PIBF1: variants seen among roughly 807,000 people sequenced by gnomAD.
The protein encoded by PIBF1 is progesterone immunomodulatory binding factor 1, also known as progesterone-induced-blocking factor 1.
A neutral mutation model predicts 112.5 loss-of-function variants in PIBF1; 90 were observed. The ratio of observed to expected loss-of-function variants is 0.80; its 90% CI spans 0.67 to 0.95. The LOEUF is 0.95. Among genes scored for constraint, PIBF1 ranks in the 40% least tolerant of loss-of-function variants. PIBF1 has a pLI of 0.00. For synonymous variants in PIBF1, 301 were observed against 288.6 expected, an observed-to-expected ratio of 1.04 and a Z score of -0.44; for missense variants, 915 against 852.3, an observed-to-expected ratio of 1.07 and a Z score of -0.92.
intron 13 of PIBF1, among the ~76,000 whole-genome samples, chr13:72,927,241 C>T (rs1457483941): frequency 1.3e-5 from 2 of 151,990 alleles, no homozygotes; most frequent in Non-Finnish European, 2.9e-5. Flanking sequence ...CGTGGTGGCT[C>T]ACGCCTGTAA....
At chr13:72,888,075 G>A (rs1183315272) in intron 10 of PIBF1, among the ~76,000 whole-genome samples, 1 of 151,888 alleles carries the variant, frequency 6.6e-6, no homozygotes, top group African/African-American at 2.4e-5. Flanking sequence ...TTTTGTTTTT[G>A]GAAATTCAAC....
intron 10 of PIBF1, among the ~76,000 whole-genome samples, chr13:72,857,821 C>T (rs2038496926): frequency 6.6e-6 from 1 of 152,112 alleles, no homozygotes; most frequent in Non-Finnish European, 1.5e-5. Flanking sequence ...GCCTGGGCTA[C>T]AAGAGTGAAA....
intron 14 of PIBF1, among the ~76,000 whole-genome samples, chr13:72,959,233 C>G (rs1439975660): frequency 6.6e-6 from 1 of 152,220 alleles, no homozygotes; most frequent in Non-Finnish European, 1.5e-5. Flanking sequence ...TGACCTCAAG[C>G]AATCCACCCA....
chr13:72,991,581 T>C (rs916710517), intron 16 of PIBF1, among the ~76,000 whole-genome samples: 2 of 152,102 alleles, frequency 1.3e-5, no homozygotes, highest in Non-Finnish European at 2.9e-5. Flanking sequence ...GACTACGTTA[T>C]AGAATAGTAT....
intron 2 of PIBF1, among the ~76,000 whole-genome samples, chr13:72,787,272 T>G (rs2034651228): frequency 6.6e-6 from 1 of 152,220 alleles, no homozygotes. Context: ...GTATGTGTTA[T>G]TATATGTTTA....
chr13:72,958,561 C>T (rs973132313), intron 14 of PIBF1, among the ~76,000 whole-genome samples: 3 of 152,110 alleles, frequency 2.0e-5, no homozygotes, highest in Non-Finnish European at 4.4e-5. Flanking sequence ...AGCAGAAACA[C>T]TGGTAAATAG....
At chr13:72,826,199 GATAGTCATCTTTACTT>G (rs1480853194) in intron 6 of PIBF1, among the ~76,000 whole-genome samples, 1 of 152,044 alleles carries the variant, frequency 6.6e-6, no homozygotes, top group Non-Finnish European at 1.5e-5. Context: ...TAGTAATACT[GATAGTCATCTTTACTT>G]ATTGGGTTTG....
intron 11 of PIBF1, among the ~76,000 whole-genome samples, chr13:72,901,601 C>T (rs2040486719): frequency 6.6e-6 from 1 of 151,994 alleles, no homozygotes; most frequent in South Asian, 2.1e-4. Flanking sequence ...AGGAGAATCA[C>T]TGGAACCCGG....
Position 72,787,914 on chromosome 13 carries a change from C to T in PIBF1, c.252+4193C>T, listed in dbSNP as rs2034688958. 2.6e-5 allele frequency among the ~76,000 whole-genome samples: 4 copies of T among 152,146 alleles called. No individual in the cohort carries two copies. In the South Asian group the frequency reaches 8.3e-4, roughly 32 times the overall value. On this transcript the variant is annotated intron_variant, in intron 2 of 17. Transcript: ENST00000326291. Reference sequence around the variant, plus strand: ...GCCTCAAGCAATCCACCCATTTCAGCCTCCCAAAGTGCAGGTGTGAAGCCA... The same window carrying T: ...GCCTCAAGCAATCCACCCATTTCAGTCTCCCAAAGTGCAGGTGTGAAGCCA...
At chr13:72,828,991 G>T (rs1323434284) in intron 8 of PIBF1, among the ~76,000 whole-genome samples, 1 of 152,188 alleles carries the variant, frequency 6.6e-6, no homozygotes, top group Non-Finnish European at 1.5e-5. Context: ...GCGTGAGATG[G>T]TATCTCATTG....
chr13:73,001,636 T>G (rs2043873956), intron 17 of PIBF1, among the ~76,000 whole-genome samples: 1 of 146,594 alleles, frequency 6.8e-6, no homozygotes, highest in Non-Finnish European at 1.5e-5. Flanking sequence ...TTTTTTTTTT[T>G]TTGGAGATGG....
intron 9 of PIBF1, 138 bp downstream of exon 9, chr13:72,835,506 G>A (rs1667069631): frequency 1.7e-6 from 1 of 587,296 alleles, no homozygotes. Flanking sequence ...TGAAATCTAA[G>A]TATAATGAGA....
At chr13:73,015,376 G>A (rs2044354360) in intron 17 of PIBF1, among the ~76,000 whole-genome samples, 1 of 152,132 alleles carries the variant, frequency 6.6e-6, no homozygotes, top group South Asian at 2.1e-4. Context: ...TTTCTATTCT[G>A]TACAGCCTGT....
chr13:72,879,443 A>G (rs4885049), intron 10 of PIBF1, among the ~76,000 whole-genome samples: 42,001 of 152,044 alleles, frequency 0.28, 6,883 homozygotes, highest in East Asian at 0.48. Flanking sequence ...GAGAGGAGGG[A>G]ATTGAAATAA....
chr13:72,939,368 A>T (rs767690413), intron 14 of PIBF1, among the ~76,000 whole-genome samples: 6 of 152,160 alleles, frequency 3.9e-5, no homozygotes, highest in Non-Finnish European at 7.4e-5. Flanking sequence ...TGTACCCATT[A>T]AGCACTTAAT....
chr13:72,850,948 T>A (rs2038119882), intron 9 of PIBF1, among the ~76,000 whole-genome samples: 1 of 152,240 alleles, frequency 6.6e-6, no homozygotes, highest in South Asian at 2.1e-4. Context: ...ATAAGAGTTA[T>A]CTATACTCCA....
At chr13:72,842,317 T>C (rs1037970077) in intron 9 of PIBF1, among the ~76,000 whole-genome samples, 1 of 152,198 alleles carries the variant, frequency 6.6e-6, no homozygotes, top group African/African-American at 2.4e-5. Flanking sequence ...ATGATGCTCT[T>C]GATGCAGTAC....
At chr13:72,876,849 C>T (rs1241324394) in intron 10 of PIBF1, among the ~76,000 whole-genome samples, 1 of 152,130 alleles carries the variant, frequency 6.6e-6, no homozygotes, top group African/African-American at 2.4e-5. Flanking sequence ...TCTACATAAA[C>T]AGTCATATCA....
At chr13:72,887,122 C>A (rs1477170479) in intron 10 of PIBF1, among the ~76,000 whole-genome samples, 1 of 150,562 alleles carries the variant, frequency 6.6e-6, no homozygotes, top group Middle Eastern at 3.2e-3. Context: ...TAATTGCTCC[C>A]CTAATTTTCA....
Sources: allele counts gnomAD v4.1 joint callset (sites outside exome capture counted in the v4.1 genomes callset), GRCh38; gene constraint gnomAD v4.1.1; transcripts MANE v1.5; gene names NCBI Gene and HGNC (gene_info 2026-07-23, HGNC 2026-07-21).